LINGO1: variants seen among roughly 807,000 people sequenced by gnomAD.
The protein encoded by LINGO1 is leucine-rich repeat and immunoglobulin-like domain-containing nogo receptor-interacting protein 1.
In LINGO1, 11 loss-of-function variants were observed where a neutral mutation model predicts 37.3. That is an observed-to-expected ratio of 0.29 (90% CI 0.19 to 0.49). The LOEUF (loss-of-function observed/expected upper bound fraction) is 0.49, where lower values mean the gene tolerates loss of function less well. Among genes scored for constraint, LINGO1 ranks in the 20% least tolerant of loss-of-function variants. LINGO1 has a pLI of 0.99. For missense variants in LINGO1, 585 were observed against 878.2 expected, an observed-to-expected ratio of 0.67 and a Z score of 4.22; for synonymous variants, 387 against 403.0, an observed-to-expected ratio of 0.96 and a Z score of 0.48.
intron 1 of LINGO1, among the ~76,000 whole-genome samples, chr15:77,630,906 AC>A (rs2074236054): frequency 6.6e-6 from 1 of 152,004 alleles, no homozygotes; most frequent in Non-Finnish European, 1.5e-5. Context: ...CCTCCCTCCC[AC>A]CTCGGGCCAC....
At chr15:77,678,055 A>G (rs962255977) in intron 2 of LINGO1, among the ~76,000 whole-genome samples, 1 of 152,108 alleles carries the variant, frequency 6.6e-6, no homozygotes, top group Non-Finnish European at 1.5e-5. Flanking sequence ...ACAGTCTCCA[A>G]TGTCCTCCAT....
upstream of LINGO1, among the ~76,000 whole-genome samples, chr15:77,698,066 G>A (rs927021646): frequency 2.6e-5 from 4 of 152,152 alleles, no homozygotes; most frequent in Admixed American, 6.5e-5. Context: ...TCAGGCAGGC[G>A]GAAGGACAGG....
intron 2 of LINGO1, among the ~76,000 whole-genome samples, chr15:77,732,370 G>C (rs2076161532): frequency 6.6e-6 from 1 of 152,232 alleles, no homozygotes; most frequent in African/African-American, 2.4e-5. Flanking sequence ...AGTATAGGAT[G>C]TTGTTTAGGG....
rs148227615 is a variant in LINGO1, at chr15:77,745,025, C to T, written c.-256-9972G>A. On this transcript the variant is annotated intron_variant, in intron 1 of 3. Coordinates refer to the LINGO1 transcript ENST00000561686. The stretch of plus-strand genomic sequence containing the variant: ...CCCAGCTACTCAGGTGGCTAAGGCA[C>T]GAGAATTGCTTGAACCTGGGAGGTG... Among the ~76,000 whole-genome samples the T allele has an allele frequency of 8.1e-3, 1,210 of 149,616 alleles. 15 individuals carry two copies. Among genetic ancestry groups the T allele is most frequent in the African/African-American group, 0.028 (1,127 of 40,546 alleles).
chr15:77,690,941 C>T (rs534262633), intron 1 of LINGO1: 2 of 152,288 alleles, frequency 1.3e-5, no homozygotes, highest in Non-Finnish European at 2.9e-5. Flanking sequence ...GTAGGGTTCA[C>T]AAGCGGCCTG....
chr15:77,638,959 G>C (rs907653981), upstream of LINGO1, among the ~76,000 whole-genome samples: 1 of 152,130 alleles, frequency 6.6e-6, no homozygotes, highest in South Asian at 2.1e-4. Flanking sequence ...AAACAACTGT[G>C]GTTTCCATCT....
intron 1 of LINGO1, among the ~76,000 whole-genome samples, chr15:77,753,805 G>A (rs2076393980): frequency 6.6e-6 from 1 of 152,212 alleles, no homozygotes; most frequent in East Asian, 1.9e-4. Flanking sequence ...GTATGGCAGA[G>A]CCTTACAGGC....
intron 1 of LINGO1, among the ~76,000 whole-genome samples, chr15:77,783,731 A>G (rs995203347): frequency 1.3e-5 from 2 of 152,176 alleles, no homozygotes; most frequent in African/African-American, 2.4e-5. Context: ...ATAGAGGAAG[A>G]AGCTGGAGAG....
At chr15:77,628,705 T>C (rs1391035740) in intron 1 of LINGO1, among the ~76,000 whole-genome samples, 1 of 152,150 alleles carries the variant, frequency 6.6e-6, no homozygotes, top group Non-Finnish European at 1.5e-5. Context: ...TTACTGCTAC[T>C]ACGATTAATA....
chr15:77,775,204 C>T (rs1380695142), intron 1 of LINGO1, among the ~76,000 whole-genome samples: 2 of 152,154 alleles, frequency 1.3e-5, no homozygotes, highest in Admixed American at 1.3e-4. Flanking sequence ...GGCCTTCAAG[C>T]CCCCACTTGA....
intron 2 of LINGO1, among the ~76,000 whole-genome samples, chr15:77,685,131 G>A (rs1345182770): frequency 7.1e-6 from 1 of 141,744 alleles, no homozygotes; most frequent in Non-Finnish European, 1.5e-5. Flanking sequence ...GTTGTGGCTG[G>A]AGCAAGGTGG....
chr15:77,622,562 T>G (rs1008068259), intron 1 of LINGO1, among the ~76,000 whole-genome samples: 1 of 152,208 alleles, frequency 6.6e-6, no homozygotes, highest in Admixed American at 6.5e-5. Flanking sequence ...CTGGGCTCCT[T>G]GTGACTTGTC....
At chr15:77,714,539 C>T (rs751433974) in intron 2 of LINGO1, among the ~76,000 whole-genome samples, 54 of 152,282 alleles carry the variant, frequency 3.5e-4, no homozygotes, top group Admixed American at 1.6e-3. Context: ...CACAGGTGCT[C>T]CCTCACCTGA....
At chr15:77,673,538 A>T (rs1205137628) in intron 3 of LINGO1, among the ~76,000 whole-genome samples, 3 of 152,192 alleles carry the variant, frequency 2.0e-5, no homozygotes, top group Non-Finnish European at 4.4e-5. Context: ...CGTCCAGGAC[A>T]TACATGCCTG....
intron 1 of LINGO1, among the ~76,000 whole-genome samples, chr15:77,735,509 C>T (rs2141339231): frequency 6.6e-6 from 1 of 152,328 alleles, no homozygotes; most frequent in South Asian, 2.1e-4. Flanking sequence ...CCCAGGGCCA[C>T]CTTCCCATGT....
intron 1 of LINGO1, among the ~76,000 whole-genome samples, chr15:77,804,575 T>C (rs867554869): frequency 6.6e-6 from 1 of 152,168 alleles, no homozygotes; most frequent in Non-Finnish European, 1.5e-5. Flanking sequence ...AGCTTCTCCA[T>C]CTTACACCCG....
intron 2 of LINGO1, among the ~76,000 whole-genome samples, chr15:77,729,869 C>T (rs1245856184): frequency 6.6e-6 from 1 of 152,230 alleles, no homozygotes; most frequent in East Asian, 1.9e-4. Context: ...CTTTTCCTTG[C>T]TATTGCATCC....
upstream of LINGO1, among the ~76,000 whole-genome samples, chr15:77,820,592 C>T (rs561303400): frequency 5.3e-5 from 8 of 152,338 alleles, no homozygotes; most frequent in South Asian, 1.7e-3. Flanking sequence ...ACAGGGCTCA[C>T]GGGCTGGCGT....
At chr15:77,628,928 T>C (rs1441918955) in intron 1 of LINGO1, among the ~76,000 whole-genome samples, 1 of 152,238 alleles carries the variant, frequency 6.6e-6, no homozygotes, top group Non-Finnish European at 1.5e-5. Flanking sequence ...ATCATGAGCA[T>C]ATCACTGATG....
Sources: gnomAD v4.1 joint callset for allele counts (sites outside exome capture counted in the v4.1 genomes callset) on GRCh38, gnomAD v4.1.1 for gene constraint, MANE v1.5 for transcripts, NCBI Gene and HGNC (gene_info 2026-07-23, HGNC 2026-07-21) for gene names.